Variants in SOCS2 observed in about 807,000 individuals in gnomAD.
The protein encoded by SOCS2 is suppressor of cytokine signaling 2.
A neutral mutation model predicts 18.6 loss-of-function variants in SOCS2; 10 were observed. The ratio of observed to expected loss-of-function variants is 0.54; its 90% confidence interval spans 0.33 to 0.91. The LOEUF is 0.91. Among genes scored for constraint, SOCS2 ranks in the 40% least tolerant of loss-of-function variants. The pLI is 0.02. For missense variants in SOCS2, 231 were observed against 247.2 expected, an observed-to-expected ratio of 0.93 and a Z score of 0.44; for synonymous variants, 104 against 104.0, an observed-to-expected ratio of 1.00 and a Z score of 0.00.
At chr12:93,601,635 G>C in the SOCS2 span, among the ~76,000 whole-genome samples, 3 of 152,260 alleles carry the variant, frequency 2.0e-5, no homozygotes, top group Non-Finnish European at 2.9e-5. Context: ...AAATGTATTT[G>C]TTCATATTGC....
chr12:93,579,100 A>G (rs983850906), downstream of SOCS2, among the ~76,000 whole-genome samples: 4 of 151,890 alleles, frequency 2.6e-5, no homozygotes, highest in Admixed American at 1.3e-4. Flanking sequence ...TCTCATTTCT[A>G]CCTCCACCAG....
the SOCS2 span, among the ~76,000 whole-genome samples, chr12:93,601,300 A>C: frequency 1.6e-3 from 249 of 151,206 alleles, 2 homozygotes; most frequent in African/African-American, 5.8e-3. Context: ...TTTGAGACTG[A>C]GTCTTGGTCT....
At chr12:93,618,336 T>C in the SOCS2 span, among the ~76,000 whole-genome samples, 1 of 152,164 alleles carries the variant, frequency 6.6e-6, no homozygotes, top group African/African-American at 2.4e-5. Context: ...ACCAACCCAG[T>C]AGAAAATCAG....
chr12:93,605,597 G>C, the SOCS2 span, among the ~76,000 whole-genome samples: 1 of 152,172 alleles, frequency 6.6e-6, no homozygotes, highest in Non-Finnish European at 1.5e-5. Context: ...CACCTCCTCC[G>C]CCAATCAGGC....
chr12:93,615,970 G>C, the SOCS2 span, among the ~76,000 whole-genome samples: 6,880 of 152,330 alleles, frequency 0.045, 211 homozygotes, highest in Middle Eastern at 0.14. Flanking sequence ...ACCAGGCTCA[G>C]AGGTGGAAAG....
chr12:93,570,050 G>A (rs921427354), upstream of SOCS2: 5 of 152,074 alleles, frequency 3.3e-5, no homozygotes, highest in African/African-American at 2.4e-5. Context: ...GCCTCCAACG[G>A]GGTTGGAGGT....
chr12:93,579,093 C>T (rs1315329647), downstream of SOCS2, among the ~76,000 whole-genome samples: 4 of 152,236 alleles, frequency 2.6e-5, no homozygotes, highest in Admixed American at 2.6e-4. Flanking sequence ...TTGATGATCT[C>T]ATTTCTACCT....
At chr12:93,593,335 C>T in the SOCS2 span, among the ~76,000 whole-genome samples, 6 of 152,098 alleles carry the variant, frequency 3.9e-5, no homozygotes, top group African/African-American at 1.4e-4. Flanking sequence ...TTTAAAGCTC[C>T]AGAAGAGAGA....
At chr12:93,578,630 G>C (rs1290557111), downstream of SOCS2, among the ~76,000 whole-genome samples, 1 of 150,902 alleles carries the variant, frequency 6.6e-6, no homozygotes, top group Non-Finnish European at 1.5e-5. Context: ...CACATATTAT[G>C]GATTTTATGG....
chr12:93,589,062 A>G, the SOCS2 span, among the ~76,000 whole-genome samples: 1 of 152,198 alleles, frequency 6.6e-6, no homozygotes, highest in African/African-American at 2.4e-5. Flanking sequence ...CAGTGCTATC[A>G]TTATTTACCG....
chr12:93,587,518 A>G (rs1438680617), downstream of SOCS2, among the ~76,000 whole-genome samples: 1 of 151,950 alleles, frequency 6.6e-6, no homozygotes, highest in African/African-American at 2.4e-5. Context: ...CGTCTCTACT[A>G]AAAATACAAA....
At chr12:93,596,092 G>A in the SOCS2 span, among the ~76,000 whole-genome samples, 1 of 152,136 alleles carries the variant, frequency 6.6e-6, no homozygotes, top group Non-Finnish European at 1.5e-5. Flanking sequence ...TGGTTGGATA[G>A]GACAGTGTGT....
the SOCS2 span, among the ~76,000 whole-genome samples, chr12:93,590,217 A>G: frequency 6.6e-6 from 1 of 152,034 alleles, no homozygotes; most frequent in Admixed American, 6.6e-5. Context: ...ACTGGGTGAC[A>G]GAGCGAGACT....
the SOCS2 span, among the ~76,000 whole-genome samples, chr12:93,610,214 T>G: frequency 6.6e-6 from 1 of 152,172 alleles, no homozygotes; most frequent in Non-Finnish European, 1.5e-5. Context: ...TTAGCACACA[T>G]AAGAATCATG....
At chr12:93,614,519 C>T in the SOCS2 span, among the ~76,000 whole-genome samples, 8 of 79,490 alleles carry the variant, frequency 1.0e-4, no homozygotes, top group African/African-American at 4.3e-4. Flanking sequence ...TTCCTTCCTT[C>T]CTTCCTTCCT....
At chr12:93,614,450 C>T in the SOCS2 span, among the ~76,000 whole-genome samples, 7 of 77,178 alleles carry the variant, frequency 9.1e-5, no homozygotes, top group African/African-American at 4.0e-4. Flanking sequence ...TTCCTTCCTT[C>T]CTTCCTTCCT....
At chr12:93,595,597 T>C in the SOCS2 span, among the ~76,000 whole-genome samples, 5 of 152,234 alleles carry the variant, frequency 3.3e-5, no homozygotes, top group Admixed American at 3.3e-4. Context: ...CTTTCATTCG[T>C]GTTAAATTCA....
chr12:93,571,725 G>C (rs1216144708), upstream of SOCS2: 2 of 291,268 alleles, frequency 6.9e-6, no homozygotes, highest in African/African-American at 4.7e-5. Flanking sequence ...CGCCGCCTCC[G>C]AGCGCGGGGC....
chr12:93,590,999 A>G, the SOCS2 span, among the ~76,000 whole-genome samples: 1 of 151,978 alleles, frequency 6.6e-6, no homozygotes, highest in Admixed American at 6.6e-5. Context: ...TGGTCTGGAT[A>G]ACAAGTTTTT....
Sources: allele counts gnomAD v4.1 joint callset (sites outside exome capture counted in the v4.1 genomes callset), GRCh38; gene constraint gnomAD v4.1.1; transcripts MANE v1.5; gene names NCBI Gene and HGNC (gene_info 2026-07-23, HGNC 2026-07-21).